Variants in UGGT1 observed in about 807,000 individuals in gnomAD.
UGGT1 encodes UDP-glucose:glycoprotein glucosyltransferase 1.
A neutral mutation model predicts 203.9 loss-of-function variants in UGGT1; 107 were observed. The ratio of observed to expected loss-of-function variants is 0.52; its 90% CI spans 0.45 to 0.62. The LOEUF is 0.62. UGGT1 is among the 20% of genes least tolerant of loss of function. The probability of loss-of-function intolerance (pLI) is 0.00; values close to 1 mark genes in which losing one functional copy is unlikely to be tolerated. For synonymous variants in UGGT1, 628 were observed against 653.5 expected, an observed-to-expected ratio of 0.96 and a Z score of 0.59; for missense variants, 1,673 against 1,867.2, an observed-to-expected ratio of 0.90 and a Z score of 1.92.
At chr2:128,139,518 T>C (rs1689304713) in intron 16 of UGGT1, among the ~76,000 whole-genome samples, 1 of 152,172 alleles carries the variant, frequency 6.6e-6, no homozygotes, top group African/African-American at 2.4e-5. Flanking sequence ...TGGTATAGGC[T>C]TGGAGGCCGA....
intron 34 of UGGT1, among the ~76,000 whole-genome samples, chr2:128,178,803 G>A (rs1374401941): frequency 2.0e-5 from 3 of 152,130 alleles, no homozygotes; most frequent in East Asian, 3.9e-4. Flanking sequence ...GCCCTTTAAC[G>A]TCACTGTACA....
At chr2:128,176,429 AAAG>A (rs1691386065) in intron 31 of UGGT1, among the ~76,000 whole-genome samples, 2 of 151,628 alleles carry the variant, frequency 1.3e-5, no homozygotes, top group African/African-American at 4.8e-5. Flanking sequence ...AAAAAAAAAA[AAAG>A]AGCGGAGGCA....
chr2:128,149,823 G>A (rs1265536110), intron 18 of UGGT1, among the ~76,000 whole-genome samples: 2 of 151,088 alleles, frequency 1.3e-5, no homozygotes, highest in East Asian at 2.0e-4. Context: ...TTAGCTGGGC[G>A]TGGTGGCTCA....
chr2:128,188,245 A>G (rs1307746121), intron 40 of UGGT1, among the ~76,000 whole-genome samples: 2 of 151,698 alleles, frequency 1.3e-5, no homozygotes, highest in African/African-American at 4.8e-5. Context: ...GGGTTTCACC[A>G]TGTTGCCCAG....
chr2:128,105,638 C>T (rs974059835), intron 3 of UGGT1, among the ~76,000 whole-genome samples: 9 of 151,812 alleles, frequency 5.9e-5, no homozygotes, highest in Admixed American at 2.6e-4. Context: ...CCTCAGCCTC[C>T]CGAGTAGCTG....
At chr2:128,168,672 G>C (rs1235483767) in intron 26 of UGGT1, among the ~76,000 whole-genome samples, 1 of 152,186 alleles carries the variant, frequency 6.6e-6, no homozygotes, top group Admixed American at 6.5e-5. Context: ...AAGTTCATTA[G>C]AGGTTCCTGC....
chr2:128,187,943 G>GT (rs986550611), intron 40 of UGGT1, among the ~76,000 whole-genome samples: 85 of 124,124 alleles, frequency 6.8e-4, no homozygotes, highest in South Asian at 1.5e-3. Flanking sequence ...TAGATTCCTT[G>GT]TTTTTTTTTT....
intron 27 of UGGT1, among the ~76,000 whole-genome samples, chr2:128,170,706 A>G (rs1691050728): frequency 6.6e-6 from 1 of 152,194 alleles, no homozygotes; most frequent in Non-Finnish European, 1.5e-5. Flanking sequence ...TAAAATAAAT[A>G]TGTTTTTTCA....
Position 128,160,976 on chromosome 2 carries a change from C to G in UGGT1, c.2695-162C>G, listed in dbSNP as rs538751854. 1.2e-4 allele frequency among the ~76,000 whole-genome samples: 18 copies of G among 152,266 alleles called. 1 individual carries two copies. Among genetic ancestry groups the G allele is most frequent in the Admixed American group, 7.2e-4 (11 of 15,296 alleles). On this transcript the variant is annotated intron_variant, in intron 24 of 40. Transcript: ENST00000259253. Reference sequence around the variant, plus strand: ...CTACAAGTATTTGCTTTGGGCTTCACTTTGTATTATTTCACTGATTTTATC... The same window carrying G: ...CTACAAGTATTTGCTTTGGGCTTCAGTTTGTATTATTTCACTGATTTTATC...
chr2:128,120,352 T>C lies in UGGT1; in HGVS notation c.873-4T>C, dbSNP rs1688318524. On this transcript the variant is annotated splice_region_variant and splice_polypyrimidine_tract_variant and intron_variant, in intron 8 of 40. Transcript: ENST00000259253. ...AAAAGGACTGATTTTTATGTTTCTT[T>C]TAGAGATCTGCACCCCGACCTGGAG... 4 of 1,610,020 alleles carry C rather than the reference T, an allele frequency of 2.5e-6. No individual in the cohort carries two copies. Among genetic ancestry groups the C allele is most frequent in the Non-Finnish European group, 3.4e-6 (4 of 1,178,976 alleles).
intron 11 of UGGT1, 100 bp from the exon 12 acceptor site, chr2:128,127,261 T>C: frequency 1.3e-6 from 1 of 779,854 alleles, no homozygotes; most frequent in Non-Finnish European, 2.1e-6. Context: ...AGCCCTGCCT[T>C]AGGATGCCAA....
intron 38 of UGGT1, 72 bp from the exon 39 acceptor site, chr2:128,186,611 T>A: frequency 1.7e-6 from 2 of 1,198,422 alleles, no homozygotes; most frequent in African/African-American, 3.1e-5. Context: ...CATCTCTCAA[T>A]AAATAAATAA....
At chr2:128,188,120 A>G (rs1692079018) in intron 40 of UGGT1, among the ~76,000 whole-genome samples, 1 of 150,746 alleles carries the variant, frequency 6.6e-6, no homozygotes, top group African/African-American at 2.4e-5. Flanking sequence ...TCCCAGGTTC[A>G]TGTGTTTCTC....
chr2:128,112,473 TTACA>T (rs1553433486), intron 5 of UGGT1, among the ~76,000 whole-genome samples: 1 of 120,498 alleles, frequency 8.3e-6, no homozygotes. Context: ...TATATATATA[TTACA>T]TACATACATA....
At chr2:128,108,779 A>G (rs1437420200) in intron 4 of UGGT1, among the ~76,000 whole-genome samples, 1 of 152,188 alleles carries the variant, frequency 6.6e-6, no homozygotes, top group Non-Finnish European at 1.5e-5. Flanking sequence ...CCCTCCGTGT[A>G]CTTTGTCCTG....
intron 5 of UGGT1, 129 bp downstream of exon 5, chr2:128,109,875 C>T: frequency 1.5e-6 from 1 of 671,020 alleles, no homozygotes; most frequent in Non-Finnish European, 2.5e-6. Context: ...GCTTCTGGAA[C>T]CAGACTGACT....
At chr2:128,095,037 C>T (rs766754428) in intron 1 of UGGT1, among the ~76,000 whole-genome samples, 5 of 152,258 alleles carry the variant, frequency 3.3e-5, no homozygotes, top group Middle Eastern at 3.4e-3. Flanking sequence ...GCGTGAGCCA[C>T]TGCGCTGGGC....
chr2:128,094,979 C>T (rs933570963), intron 1 of UGGT1, among the ~76,000 whole-genome samples: 3 of 151,994 alleles, frequency 2.0e-5, no homozygotes, highest in Admixed American at 6.5e-5. Flanking sequence ...GAACTCCTGA[C>T]CTCAGGTGAT....
At chr2:128,126,942 C>T (rs895767169) in intron 11 of UGGT1, among the ~76,000 whole-genome samples, 1 of 152,132 alleles carries the variant, frequency 6.6e-6, no homozygotes, top group Non-Finnish European at 1.5e-5. Context: ...CTTGGCCTCC[C>T]CAAGTGCTGA....
Sources: gnomAD v4.1 joint callset for allele counts (sites outside exome capture counted in the v4.1 genomes callset) on GRCh38, gnomAD v4.1.1 for gene constraint, MANE v1.5 for transcripts, NCBI Gene and HGNC (gene_info 2026-07-23, HGNC 2026-07-21) for gene names.